Variants in HPSE2 observed in about 807,000 individuals in gnomAD.
HPSE2 encodes the protein inactive heparanase-2.
Under a neutral mutation model 60.5 loss-of-function variants are expected in HPSE2, and 38 were observed. The ratio of observed to expected loss-of-function variants is 0.63; its 90% CI spans 0.48 to 0.82. HPSE2 has a LOEUF of 0.82. Among genes scored for constraint, HPSE2 ranks in the 40% least tolerant of loss-of-function variants. The pLI, the probability that HPSE2 is intolerant of heterozygous loss-of-function variation, is 0.00. For synonymous variants in HPSE2, 295 were observed against 293.2 expected (o/e 1.01, Z -0.06); for missense variants, 713 against 740.4 (o/e 0.96, Z 0.43).
intron 3 of HPSE2, among the ~76,000 whole-genome samples, chr10:98,955,339 C>A (rs1476223289): frequency 1.3e-5 from 2 of 152,038 alleles, no homozygotes; most frequent in Non-Finnish European, 2.9e-5. Flanking sequence ...TTTATGTGGA[C>A]AAACATATTT....
intron 3 of HPSE2, among the ~76,000 whole-genome samples, chr10:98,808,557 T>G (rs1951095403): frequency 6.6e-6 from 1 of 152,104 alleles, no homozygotes. Context: ...CAACTAACAC[T>G]TAGGAGAGTT....
chr10:98,566,933 T>C (rs1375112974), intron 9 of HPSE2, among the ~76,000 whole-genome samples: 1 of 152,200 alleles, frequency 6.6e-6, no homozygotes, highest in Non-Finnish European at 1.5e-5. Context: ...CTCATTACCA[T>C]AATCTTTTAC....
At chr10:99,094,850 C>T (rs986565200) in intron 3 of HPSE2, among the ~76,000 whole-genome samples, 1 of 151,770 alleles carries the variant, frequency 6.6e-6, no homozygotes, top group Non-Finnish European at 1.5e-5. Context: ...AGCCTCCACA[C>T]CAGGCCAAAT....
At chr10:99,160,120 CAA>C (rs5787324) in intron 2 of HPSE2, among the ~76,000 whole-genome samples, 98 of 129,040 alleles carry the variant, frequency 7.6e-4, no homozygotes, top group Admixed American at 9.3e-4. Flanking sequence ...TAGACTCTGA[CAA>C]AAAAAAAAAA....
rs1176207673 is a variant in HPSE2 at position 98,942,673 on chromosome 10, C to T, written c.611-198617G>A. 5.9e-5 allele frequency among the ~76,000 whole-genome samples: 9 copies of T among 152,230 alleles called. No individual in the cohort carries two copies. In the South Asian group the frequency reaches 8.3e-4, roughly 14 times the overall value. ...TCAACCATTGTAGAAGTCAGTGTGG[C>T]GATTCCTCAGGGATCTGGAACTAGA... On this transcript the variant is annotated intron_variant, in intron 3 of 11. Coordinates refer to ENST00000370552, the MANE Select transcript of HPSE2 (RefSeq NM_021828.5).
intron 11 of HPSE2, among the ~76,000 whole-genome samples, chr10:98,460,158 T>C (rs1482403281): frequency 6.6e-6 from 1 of 152,222 alleles, no homozygotes; most frequent in Admixed American, 6.5e-5. Context: ...CTTTTCCACC[T>C]AAAGAGTTTT....
chr10:98,812,270 A>T (rs1171894231), intron 3 of HPSE2, among the ~76,000 whole-genome samples: 1 of 152,212 alleles, frequency 6.6e-6, no homozygotes, highest in East Asian at 1.9e-4. Context: ...GGAGTTACCC[A>T]TAAGAGATTA....
At chr10:98,544,558 A>C (rs1432757471) in intron 9 of HPSE2, among the ~76,000 whole-genome samples, 2 of 151,498 alleles carry the variant, frequency 1.3e-5, no homozygotes, top group African/African-American at 4.8e-5. Flanking sequence ...AAAAACACAA[A>C]AAAAATTAGC....
At chr10:99,053,146 T>C (rs1958029014) in intron 3 of HPSE2, among the ~76,000 whole-genome samples, 1 of 151,986 alleles carries the variant, frequency 6.6e-6, no homozygotes, top group Non-Finnish European at 1.5e-5. Context: ...TAAAAATTGG[T>C]AGTTTAATGA....
At chr10:98,879,206 G>A (rs2134870935) in intron 3 of HPSE2, among the ~76,000 whole-genome samples, 1 of 152,118 alleles carries the variant, frequency 6.6e-6, no homozygotes, top group East Asian at 1.9e-4. Flanking sequence ...AAATGGTATA[G>A]AAGTCATGGA....
At chr10:98,927,840 AG>A (rs1954521107) in intron 3 of HPSE2, among the ~76,000 whole-genome samples, 2 of 150,942 alleles carry the variant, frequency 1.3e-5, no homozygotes, top group Non-Finnish European at 1.5e-5. Flanking sequence ...AATCAATTCA[AG>A]ATGGATTAAA....
At chr10:99,265,548 T>C in the HPSE2 span, among the ~76,000 whole-genome samples, 12 of 152,198 alleles carry the variant, frequency 7.9e-5, no homozygotes, top group Middle Eastern at 3.2e-3. Context: ...TTTACCTATG[T>C]AGCAAACCTG....
At chr10:98,910,258 G>A (rs908819608) in intron 3 of HPSE2, among the ~76,000 whole-genome samples, 1 of 152,112 alleles carries the variant, frequency 6.6e-6, no homozygotes, top group Non-Finnish European at 1.5e-5. Context: ...AGACAGAGCT[G>A]CTTTGTTAGA....
chr10:99,265,179 T>A, the HPSE2 span, among the ~76,000 whole-genome samples: 1 of 152,204 alleles, frequency 6.6e-6, no homozygotes, highest in Non-Finnish European at 1.5e-5. Context: ...TCCCTCGCCC[T>A]TAAGAAGGTA....
chr10:99,173,578 T>C (rs1370499120), intron 2 of HPSE2, among the ~76,000 whole-genome samples: 2 of 152,142 alleles, frequency 1.3e-5, no homozygotes, highest in Admixed American at 1.3e-4. Context: ...ATCTGAAAAG[T>C]GTTTAATAAA....
chr10:98,567,844 AACC>A (rs1486119233), intron 9 of HPSE2, among the ~76,000 whole-genome samples: 1 of 152,110 alleles, frequency 6.6e-6, no homozygotes. Flanking sequence ...GGGGTTACAA[AACC>A]ACCACTAGCT....
chr10:98,923,677 T>G (rs912878782), intron 3 of HPSE2, among the ~76,000 whole-genome samples: 1 of 152,068 alleles, frequency 6.6e-6, no homozygotes, highest in Non-Finnish European at 1.5e-5. Context: ...TCAATTCTGC[T>G]ATTAAGAGAC....
chr10:99,205,119 G>T (rs1848700847), intron 2 of HPSE2, among the ~76,000 whole-genome samples: 1 of 152,182 alleles, frequency 6.6e-6, no homozygotes, highest in Admixed American at 6.5e-5. Flanking sequence ...AGCAAGGGCT[G>T]AAAAATTACT....
intron 3 of HPSE2, among the ~76,000 whole-genome samples, chr10:98,792,422 A>G (rs1192196991): frequency 1.3e-5 from 2 of 152,148 alleles, no homozygotes; most frequent in Non-Finnish European, 2.9e-5. Context: ...GGCTTCTATA[A>G]CTAGTTCACC....
Sources: allele counts gnomAD v4.1 joint callset (sites outside exome capture counted in the v4.1 genomes callset), GRCh38; gene constraint gnomAD v4.1.1; transcripts MANE v1.5; gene names NCBI Gene and HGNC (gene_info 2026-07-23, HGNC 2026-07-21).